Variants in SOX5 observed in about 807,000 individuals in gnomAD.
SOX5 encodes the protein SRY-box transcription factor 5.
SOX5 carries 9 observed loss-of-function variants against 92.0 expected under a neutral mutation model. The observed-to-expected ratio is 0.10, with a 90% CI of 0.06 to 0.17. The LOEUF (loss-of-function observed/expected upper bound fraction) is 0.17. SOX5 is among the 10% of genes least tolerant of loss of function. SOX5 has a pLI of 1.00. For missense variants in SOX5, 642 were observed against 944.5 expected, an observed-to-expected ratio of 0.68 and a Z score of 4.20; for synonymous variants, 344 against 336.3, an observed-to-expected ratio of 1.02 and a Z score of -0.25.
At position 23,970,841 on chromosome 12, in the gene SOX5, A is replaced by ATATATATATATATATATATAATTTTTAAT; in HGVS notation, c.-1-74818_-1-74817insATTAAAAATTATATATATATATATATATA. On this transcript the variant is annotated intron_variant, in intron 4 of 4. Transcript: ENST00000446891. ...ACATGGGACTTTATATATATATATA[A>ATATATATATATATATATATAATTTTTAAT]TTTTTTTTTTTTTTTAAGAAATGGG... Among the ~76,000 whole-genome samples the ATATATATATATATATATATAATTTTTAAT allele has an allele frequency of 2.4e-3, 52 of 21,882 alleles. 6 individuals carry two copies. The East Asian group carries it at 0.035, about 15-fold the overall frequency. The allele number at this position is 21,882 out of a possible 152,430, so 14.4% of individuals were successfully genotyped here. A position where few individuals can be genotyped will look rare whatever the true frequency, so the allele number is the denominator to read the frequency against.
At chr12:23,544,214 T>C (rs1942687702) in intron 12 of SOX5, among the ~76,000 whole-genome samples, 1 of 152,136 alleles carries the variant, frequency 6.6e-6, no homozygotes, top group Admixed American at 6.5e-5. Flanking sequence ...AATTCAAGAG[T>C]TAACAACGAT....
chr12:23,874,581 C>T (rs927005646), intron 2 of SOX5, among the ~76,000 whole-genome samples: 1 of 152,096 alleles, frequency 6.6e-6, no homozygotes, highest in Non-Finnish European at 1.5e-5. Flanking sequence ...GGAAATAGTA[C>T]GGGCAGCAAC....
At position 23,714,437 on chromosome 12, in the gene SOX5, C is replaced by G. The variant is rs188169994; in HGVS notation, c.810+20247G>C. 3.5e-4 allele frequency among the ~76,000 whole-genome samples: 54 copies of G among 152,266 alleles called. 1 individual carries two copies. Among genetic ancestry groups the G allele is most frequent in the African/African-American group, 1.2e-3 (49 of 41,568 alleles). ...AGGAGTTTAAGACCAGCGTGGCCAA[C>G]ATGGCGAAACCCTGTCTCTATTAAA... On this transcript the variant is annotated intron_variant, in intron 6 of 14. Transcript: ENST00000451604.
At chr12:24,135,665 T>C (rs1950046569) in intron 4 of SOX5, among the ~76,000 whole-genome samples, 1 of 152,184 alleles carries the variant, frequency 6.6e-6, no homozygotes, top group South Asian at 2.1e-4. Context: ...AACAAAGCAC[T>C]CTGGATGTTC....
chr12:23,824,497 G>C (rs117031414), intron 3 of SOX5, among the ~76,000 whole-genome samples: 1 of 152,138 alleles, frequency 6.6e-6, no homozygotes, highest in Non-Finnish European at 1.5e-5. Context: ...TGAAAGCTTC[G>C]TCCCAGAGGG....
chr12:23,923,009 C>T (rs1217847457), intron 1 of SOX5, among the ~76,000 whole-genome samples: 2 of 151,528 alleles, frequency 1.3e-5, no homozygotes, highest in Admixed American at 1.3e-4. Context: ...GCAGTGGCGC[C>T]ATCTCGGCTC....
At chr12:24,424,314 A>C (rs1966381445) in intron 1 of SOX5, among the ~76,000 whole-genome samples, 1 of 152,206 alleles carries the variant, frequency 6.6e-6, no homozygotes, top group Non-Finnish European at 1.5e-5. Context: ...CAGGAATCTC[A>C]TTATTGCTAT....
intron 1 of SOX5, among the ~76,000 whole-genome samples, chr12:24,379,520 T>C (rs1957611010): frequency 6.6e-6 from 1 of 152,210 alleles, no homozygotes; most frequent in South Asian, 2.1e-4. Flanking sequence ...CCTTAAGATA[T>C]CTGATTTAAG....
chr12:24,534,626 G>C (rs758163607), intron 1 of SOX5, among the ~76,000 whole-genome samples: 4 of 152,184 alleles, frequency 2.6e-5, no homozygotes, highest in Non-Finnish European at 4.4e-5. Flanking sequence ...CCCTACATGA[G>C]TGTACCCCAA....
intron 3 of SOX5, among the ~76,000 whole-genome samples, chr12:23,779,062 T>G (rs2095197187): frequency 6.6e-6 from 1 of 152,178 alleles, no homozygotes; most frequent in Non-Finnish European, 1.5e-5. Context: ...TATGTGTGGC[T>G]TCACTGCTTC....
exon 3 of SOX5, chr12:24,277,251 T>C (rs1022781004): frequency 5.0e-4 from 76 of 151,792 alleles, no homozygotes; most frequent in African/African-American, 1.8e-3. Flanking sequence ...GAATTCTCTG[T>C]TCAGCTTTCA....
intron 4 of SOX5, among the ~76,000 whole-genome samples, chr12:23,982,243 T>C (rs934935264): frequency 8.5e-5 from 13 of 152,188 alleles, no homozygotes; most frequent in African/African-American, 3.1e-4. Context: ...AAAATGACTT[T>C]CTCTGCTTCA....
chr12:24,083,596 G>C (rs1189806994), intron 4 of SOX5, among the ~76,000 whole-genome samples: 1 of 152,022 alleles, frequency 6.6e-6, no homozygotes, highest in African/African-American at 2.4e-5. Flanking sequence ...AACTTCCCCA[G>C]AACTATGGGA....
At chr12:23,839,608 A>G (rs2096486486) in intron 3 of SOX5, among the ~76,000 whole-genome samples, 1 of 152,128 alleles carries the variant, frequency 6.6e-6, no homozygotes, top group African/African-American at 2.4e-5. Context: ...AACTGATCAA[A>G]TCCAACAATC....
At chr12:23,927,650 T>C (rs1940339049) in intron 1 of SOX5, among the ~76,000 whole-genome samples, 1 of 152,118 alleles carries the variant, frequency 6.6e-6, no homozygotes, top group Admixed American at 6.6e-5. Flanking sequence ...GGACAAGTTA[T>C]ACCATCTATA....
intron 3 of SOX5, among the ~76,000 whole-genome samples, chr12:24,217,422 T>C (rs1245639899): frequency 6.6e-6 from 1 of 152,216 alleles, no homozygotes; most frequent in Non-Finnish European, 1.5e-5. Context: ...TAAATTATTC[T>C]GGGATAACAA....
chr12:23,874,044 T>C (rs945588924), intron 2 of SOX5, among the ~76,000 whole-genome samples: 3 of 152,166 alleles, frequency 2.0e-5, no homozygotes, highest in Admixed American at 6.5e-5. Flanking sequence ...GCTTCAAAGA[T>C]GGTGATTCAC....
At chr12:24,069,710 C>G (rs954650494) in intron 4 of SOX5, among the ~76,000 whole-genome samples, 1 of 152,178 alleles carries the variant, frequency 6.6e-6, no homozygotes, top group African/African-American at 2.4e-5. Flanking sequence ...CATCCTAATG[C>G]TTTTACAAGG....
chr12:23,715,809 C>CA (rs35450544), intron 6 of SOX5, among the ~76,000 whole-genome samples: 13,507 of 68,920 alleles, frequency 0.2, 435 homozygotes, highest in Non-Finnish European at 0.28. Context: ...AGTAATTTCC[C>CA]AAAAAAAAAA....
Sources: gnomAD v4.1 joint callset for allele counts (sites outside exome capture counted in the v4.1 genomes callset) on GRCh38, gnomAD v4.1.1 for gene constraint, MANE v1.5 for transcripts, NCBI Gene and HGNC (gene_info 2026-07-23, HGNC 2026-07-21) for gene names.